Variants in C1QTNF3 observed in about 807,000 individuals in gnomAD.
The protein encoded by C1QTNF3 is complement C1q tumor necrosis factor-related protein 3.
C1QTNF3 carries 26 observed loss-of-function variants against 32.6 expected under a neutral mutation model. That is an observed-to-expected ratio of 0.80 (90% confidence interval 0.58 to 1.11). The LOEUF is 1.11. Ranked by LOEUF, C1QTNF3 falls within the 50% of genes least tolerant of loss-of-function variation. The pLI is 0.00. For synonymous variants in C1QTNF3, 155 were observed against 146.0 expected (o/e 1.06, Z -0.44); for missense variants, 362 against 398.2 (o/e 0.91, Z 0.77).
chr5:34,178,208 G>C, the C1QTNF3 span, among the ~76,000 whole-genome samples: 2 of 151,906 alleles, frequency 1.3e-5, no homozygotes, highest in East Asian at 1.9e-4. Context: ...TTGAACCTGG[G>C]AGGCGGAGGT....
the C1QTNF3 span, among the ~76,000 whole-genome samples, chr5:34,195,877 C>T: frequency 3.3e-5 from 5 of 152,172 alleles, no homozygotes; most frequent in Admixed American, 6.5e-5. Context: ...AAAGCCCTAA[C>T]CCCCAAGGTG....
the C1QTNF3 span, among the ~76,000 whole-genome samples, chr5:34,230,240 C>T: frequency 1.3e-5 from 2 of 152,166 alleles, no homozygotes; most frequent in East Asian, 3.8e-4. Context: ...ATGGATTATT[C>T]CACAGAGCCT....
the C1QTNF3 span, among the ~76,000 whole-genome samples, chr5:34,056,454 G>GTGTGTGTGTATATATATA: frequency 2.0e-5 from 1 of 48,968 alleles, no homozygotes; most frequent in African/African-American, 8.4e-5. Context: ...GTGTGTGTGT[G>GTGTGTGTGTATATATATA]TATATATATA....
chr5:34,115,623 C>T, the C1QTNF3 span, among the ~76,000 whole-genome samples: 2 of 151,394 alleles, frequency 1.3e-5, no homozygotes, highest in South Asian at 2.1e-4. Flanking sequence ...CCCAGCTATT[C>T]GGGAGGCTGA....
the C1QTNF3 span, among the ~76,000 whole-genome samples, chr5:34,069,230 TA>T: frequency 3.4e-5 from 5 of 146,536 alleles, no homozygotes; most frequent in Non-Finnish European, 7.5e-5. Flanking sequence ...ATGACAAACT[TA>T]AAGGATTTCA....
the C1QTNF3 span, among the ~76,000 whole-genome samples, chr5:34,128,429 G>T: frequency 2.6e-5 from 4 of 152,216 alleles, no homozygotes; most frequent in Admixed American, 1.3e-4. Context: ...GAGGGCCACA[G>T]TCCTATAGAA....
chr5:34,216,821 G>A, the C1QTNF3 span, among the ~76,000 whole-genome samples: 1 of 152,034 alleles, frequency 6.6e-6, no homozygotes, highest in African/African-American at 2.4e-5. Context: ...CAATAAATAG[G>A]CCTTCTTACT....
chr5:34,073,161 A>T, the C1QTNF3 span, among the ~76,000 whole-genome samples: 1 of 152,034 alleles, frequency 6.6e-6, no homozygotes, highest in African/African-American at 2.4e-5. Flanking sequence ...CCCTGTCTCT[A>T]CTAAAAATTC....
chr5:34,126,097 C>T, the C1QTNF3 span, among the ~76,000 whole-genome samples: 15 of 152,146 alleles, frequency 9.9e-5, no homozygotes, highest in Non-Finnish European at 1.2e-4. Context: ...CCCTTGTCAG[C>T]GAGAAATGTT....
rs548872273 is a variant in C1QTNF3, at chr5:34,032,563, G to A, written c.570+741C>T. On this transcript the variant is annotated intron_variant, in intron 3 of 5. Transcript: ENST00000382065. ...AATCCCAGCACTTTTTTGGGAGGCCGAGGCAGGCAGATCACTTCAGGCCAG... is the reference window on the plus strand; with the variant it reads ...AATCCCAGCACTTTTTTGGGAGGCCAAGGCAGGCAGATCACTTCAGGCCAG... Among the ~76,000 whole-genome samples, 235 of 152,276 alleles carry A rather than the reference G, an allele frequency of 1.5e-3. 2 individuals carry two copies. Among genetic ancestry groups the A allele is most frequent in the African/African-American group, 5.2e-3 (217 of 41,556 alleles).
chr5:34,031,323 A>G (rs1754608259), intron 3 of C1QTNF3, among the ~76,000 whole-genome samples: 1 of 152,188 alleles, frequency 6.6e-6, no homozygotes, highest in Admixed American at 6.5e-5. Context: ...AGCTGATGGG[A>G]CAAATTTAAT....
At chr5:34,127,682 G>C in the C1QTNF3 span, among the ~76,000 whole-genome samples, 1 of 151,530 alleles carries the variant, frequency 6.6e-6, no homozygotes, top group Non-Finnish European at 1.5e-5. Flanking sequence ...CTAGCTCCCA[G>C]GTTCAAGCGA....
the C1QTNF3 span, among the ~76,000 whole-genome samples, chr5:34,090,649 A>G: frequency 2.0e-5 from 3 of 152,190 alleles, no homozygotes; most frequent in Admixed American, 1.3e-4. Flanking sequence ...GCCAGTGATG[A>G]TATTTGGAGG....
the C1QTNF3 span, among the ~76,000 whole-genome samples, chr5:34,071,560 TTCGTACAATG>T: frequency 1.3e-5 from 2 of 152,070 alleles, no homozygotes; most frequent in Non-Finnish European, 2.9e-5. Flanking sequence ...AAAAAAAACA[TTCGTACAATG>T]TACAGCCATT....
chr5:34,076,113 C>T, the C1QTNF3 span, among the ~76,000 whole-genome samples: 5 of 151,444 alleles, frequency 3.3e-5, no homozygotes, highest in South Asian at 2.1e-4. Flanking sequence ...TGTCAGTGAC[C>T]GTATGCAGTA....
the C1QTNF3 span, among the ~76,000 whole-genome samples, chr5:34,102,564 G>A: frequency 6.7e-6 from 1 of 149,100 alleles, no homozygotes; most frequent in Non-Finnish European, 1.5e-5. Context: ...TTTTTTTTTT[G>A]CCAAAATGAA....
chr5:34,032,506 C>A (rs1754638056), intron 3 of C1QTNF3, among the ~76,000 whole-genome samples: 1 of 152,144 alleles, frequency 6.6e-6, no homozygotes, highest in East Asian at 1.9e-4. Flanking sequence ...AAAAATTATA[C>A]CACAAGGTCA....
the C1QTNF3 span, among the ~76,000 whole-genome samples, chr5:34,087,220 C>T: frequency 4.0e-5 from 6 of 148,958 alleles, no homozygotes; most frequent in African/African-American, 9.9e-5. Flanking sequence ...AGTAGGAGAA[C>T]GAACATTATG....
At chr5:34,107,857 C>A in the C1QTNF3 span, among the ~76,000 whole-genome samples, 6 of 152,092 alleles carry the variant, frequency 3.9e-5, no homozygotes, top group African/African-American at 1.4e-4. Context: ...CCCACCAGCA[C>A]AAAATACTCA....
Sources: allele counts gnomAD v4.1 joint callset (sites outside exome capture counted in the v4.1 genomes callset), GRCh38; gene constraint gnomAD v4.1.1; transcripts MANE v1.5; gene names NCBI Gene and HGNC (gene_info 2026-07-23, HGNC 2026-07-21).